The following NPAS4 variants were observed in gnomAD, a reference collection of about 807,000 sequenced individuals.
NPAS4 encodes neuronal PAS domain protein 4.
Under a neutral mutation model 64.0 loss-of-function variants are expected in NPAS4, and 10 were observed. That is an observed-to-expected ratio of 0.16 (90% CI 0.10 to 0.26). The LOEUF (loss-of-function observed/expected upper bound fraction) is 0.26, where lower values mean the gene tolerates loss of function less well. Among genes scored for constraint, NPAS4 ranks in the 10% least tolerant of loss-of-function variants. The pLI is 1.00. For synonymous variants in NPAS4, 441 were observed against 411.7 expected (o/e 1.07, Z -0.86); for missense variants, 886 against 992.6 (o/e 0.89, Z 1.44).
intron 3 of NPAS4, 51 bp from the exon 4 acceptor site, chr11:66,422,621 GTC>G: frequency 6.9e-6 from 11 of 1,605,222 alleles, no homozygotes; most frequent in Middle Eastern, 1.7e-4. Flanking sequence ...ACCATCCACT[GTC>G]TCTCTCTCAG....
chr11:66,423,279 G>T, intron 5 of NPAS4, 47 bp downstream of exon 5: 2 of 1,255,518 alleles, frequency 1.6e-6, no homozygotes, highest in Non-Finnish European at 2.3e-6. Flanking sequence ...CTGGGAAAGG[G>T]CATGGGAGAC....
At chr11:66,412,026 G>A in the NPAS4 span, among the ~76,000 whole-genome samples, 1 of 152,208 alleles carries the variant, frequency 6.6e-6, no homozygotes, top group African/African-American at 2.4e-5. Flanking sequence ...CCTATGTTAC[G>A]AGCTGTGCCC....
chr11:66,422,341 G>C (rs372559989), intron 2 of NPAS4, 70 bp downstream of exon 2: 6 of 1,547,530 alleles, frequency 3.9e-6, no homozygotes, highest in Admixed American at 1.7e-5. Flanking sequence ...CACTCCTGAG[G>C]AACTGGGAAT....
upstream of NPAS4, among the ~76,000 whole-genome samples, chr11:66,418,904 T>C (rs1288734667): frequency 2.0e-5 from 3 of 152,132 alleles, no homozygotes; most frequent in Non-Finnish European, 4.4e-5. Flanking sequence ...CAGTATTCCT[T>C]CACTGCAGAT....
At position 66,424,827 on chromosome 11, in the gene NPAS4, T is replaced by A; in HGVS notation, c.1937T>A (p.Met646Lys). The part of the protein sequence containing the change: ...IQQISQLAQG[M>K]DRPFSAEAGT... ...CAGATTAGCCAATTGGCTCAGGGCA[T>A]GGACAGACCCTTCTCAGCTGAGGCT... The change falls in exon 7 of 8, where the codon ATG becomes AAG. Residue 646 changes from methionine to lysine, a missense_variant. Met to Lys is a moderately conservative substitution (Grantham distance 95, BLOSUM62 -1). Transcript: ENST00000311034. 1.2e-5 allele frequency: 19 copies of A among 1,613,746 alleles called. No individual in the cohort carries two copies. The highest frequency in any genetic ancestry group is 1.5e-5 in the Non-Finnish European group (18 of 1,179,900).
chr11:66,424,982 G>T lies in NPAS4; in HGVS notation c.2092G>T (p.Ala698Ser). 2 of 1,614,162 alleles carry T rather than the reference G, an allele frequency of 1.2e-6. No homozygotes were observed. Among genetic ancestry groups the T allele is most frequent in the Non-Finnish European group, 1.7e-6 (2 of 1,180,032 alleles). The change falls in exon 7 of 8, where the codon GCT (alanine) becomes TCT (serine). Residue 698 changes from alanine (A) to serine (S), a missense_variant. Physicochemically the swap from Ala to Ser is moderately conservative, Grantham distance 99. This residue lies in a region of NPAS4 where 820 missense variants were observed against 855.5 expected (regional missense o/e 0.96). Transcript: ENST00000311034. ...GAAATGCCAGGAGCTGGACTTCCTG[G>T]CTGACCCTGATAACATGTTCCTGGA... The part of the protein sequence containing the change: ...PWKCQELDFL[A>S]DPDNMFLEET...
At chr11:66,414,980 T>A in the NPAS4 span, among the ~76,000 whole-genome samples, 1 of 152,202 alleles carries the variant, frequency 6.6e-6, no homozygotes. Context: ...TCTTCCCCCC[T>A]GGGTCAGACT....
In NPAS4 at chr11:66,421,302, C is replaced by T; in HGVS notation, c.123C>T (p.His41=). The T allele has an allele frequency of 6.2e-7, 1 of 1,613,988 alleles. No homozygotes were observed. The highest frequency in any genetic ancestry group is 1.1e-5 in the South Asian group (1 of 91,080). ...ACAAGGTCCGGCTGTCCTACCTGCA[C>T]ATCATGAGCCTCGCCTGCATCTACA... ...EADKVRLSYL[H]IMSLACIYTR... is the part of the protein sequence containing the mutation. The change falls in exon 1 of 8, where the codon CAC becomes CAT. Residue 41 remains histidine (H), a synonymous_variant. Transcript: ENST00000311034.
chr11:66,412,050 G>T, the NPAS4 span, among the ~76,000 whole-genome samples: 1 of 152,244 alleles, frequency 6.6e-6, no homozygotes, highest in Non-Finnish European at 1.5e-5. Flanking sequence ...TAGTAACAAG[G>T]AGAGACTTGA....
chr11:66,417,906 G>C (rs1856688873), upstream of NPAS4, among the ~76,000 whole-genome samples: 1 of 152,062 alleles, frequency 6.6e-6, no homozygotes, highest in African/African-American at 2.4e-5. Flanking sequence ...CAAACAGATA[G>C]AGATGTAGAC....
Position 66,422,463 on chromosome 11 carries a change from G to A in NPAS4, c.340G>A (p.Ala114Thr). ...TTCCTCCCTCCAGGTGGACCTGGTT[G>A]CCCAGGGTGACAGCATCTACGACAT... is the stretch of plus-strand genomic sequence containing the variant. ...HLGHSMVDLV[A>T]QGDSIYDIID... The change falls in exon 3 of 8, where the codon GCC becomes ACC. Residue 114 changes from alanine to threonine, a missense_variant. By Grantham distance (58) the Ala-to-Thr change is moderately conservative. Coordinates refer to ENST00000311034, the MANE Select transcript of NPAS4 (RefSeq NM_178864.4). 6.2e-7 allele frequency: 1 copy of A among 1,613,198 alleles called. No homozygotes were observed. Among genetic ancestry groups the A allele is most frequent in the Non-Finnish European group, 8.5e-7 (1 of 1,179,182 alleles).
In NPAS4 at chr11:66,424,897, C is replaced by T. The variant is rs1362874294; in HGVS notation, c.2007C>T (p.Asp669=). The change falls in exon 7 of 8, where the codon GAC becomes GAT. Residue 669 remains aspartate, a synonymous_variant. Transcript: ENST00000311034. ...LEPLGGLEPL[D]SNLSLSGAGP... is the part of the protein sequence containing the mutation. ...CACTTGGAGGACTGGAGCCCCTGGACTCCAACCTGTCCCTGTCAGGGGCAG... is the reference window on the plus strand; with the variant it reads ...CACTTGGAGGACTGGAGCCCCTGGATTCCAACCTGTCCCTGTCAGGGGCAG... The T allele has an allele frequency of 5.6e-6, 9 of 1,613,474 alleles. No individual in the cohort carries two copies. The highest frequency in any genetic ancestry group is 7.6e-6 in the Non-Finnish European group (9 of 1,179,846).
chr11:66,418,154 C>T (rs1856691483), upstream of NPAS4, among the ~76,000 whole-genome samples: 1 of 152,214 alleles, frequency 6.6e-6, no homozygotes, highest in Middle Eastern at 3.2e-3. Context: ...CACCCCAAAG[C>T]CCCTCTCCCA....
At chr11:66,421,985 C>T in intron 1 of NPAS4, 135 bp from the exon 2 acceptor site, 6 of 725,156 alleles carry the variant, frequency 8.3e-6, no homozygotes, top group South Asian at 5.2e-5. Context: ...CTGCGGGCAG[C>T]GGGTCAACAG....
At chr11:66,415,244 A>G in the NPAS4 span, among the ~76,000 whole-genome samples, 1 of 152,174 alleles carries the variant, frequency 6.6e-6, no homozygotes, top group African/African-American at 2.4e-5. Flanking sequence ...AAGGGGCTGG[A>G]AACCAATAAG....
chr11:66,413,908 C>G, the NPAS4 span, among the ~76,000 whole-genome samples: 32 of 152,292 alleles, frequency 2.1e-4, no homozygotes, highest in African/African-American at 7.7e-4. Flanking sequence ...GAGGCCAAGA[C>G]CAGCTGTCTG....
At chr11:66,423,398 A>G in intron 5 of NPAS4, 166 bp downstream of exon 5, 2 of 832,902 alleles carry the variant, frequency 2.4e-6, no homozygotes, top group Non-Finnish European at 3.9e-6. Flanking sequence ...GGCAATAATC[A>G]AATCAGAACT....
At position 66,423,597 on chromosome 11, in the gene NPAS4, T is replaced by G; in HGVS notation, c.828T>G (p.Ile276Met). 6.2e-7 allele frequency: 1 copy of G among 1,614,090 alleles called. No homozygotes were observed. ...HYRLLAESGD[I>M]QAEMVVRLQA... is the part of the protein sequence containing the mutation. ...CCCCAGTGGCTGAGAGTGGAGATATTCAGGCAGAGATGGTGGTGAGGCTAC... is the reference window on the plus strand; with the variant it reads ...CCCCAGTGGCTGAGAGTGGAGATATGCAGGCAGAGATGGTGGTGAGGCTAC... The change falls in exon 6 of 8, where the codon ATT becomes ATG. Residue 276 changes from isoleucine to methionine, a missense_variant. Coordinates refer to ENST00000311034, the MANE Select transcript of NPAS4 (RefSeq NM_178864.4).
chr11:66,425,934 G>A, intron 7 of NPAS4, 27 bp from the exon 8 acceptor site: 1 of 1,588,220 alleles, frequency 6.3e-7, no homozygotes, highest in Non-Finnish European at 8.6e-7. Flanking sequence ...CTAACTGATT[G>A]TGTTCTCTCT....
Sources: allele counts gnomAD v4.1 joint callset (sites outside exome capture counted in the v4.1 genomes callset), GRCh38; gene constraint gnomAD v4.1.1; regional missense constraint gnomAD v4.1.1; transcripts MANE v1.5; gene names NCBI Gene and HGNC (gene_info 2026-07-23, HGNC 2026-07-21).